WIZ: variants seen among roughly 807,000 people sequenced by gnomAD.
WIZ encodes the protein WIZ zinc finger.
Under a neutral mutation model 140.2 loss-of-function variants are expected in WIZ, and 25 were observed. The observed-to-expected ratio is 0.18, with a 90% CI of 0.13 to 0.25. The LOEUF (loss-of-function observed/expected upper bound fraction) is 0.25. Ranked by LOEUF, WIZ falls within the 10% of genes least tolerant of loss-of-function variation. WIZ has a pLI of 1.00. For synonymous variants in WIZ, 1,125 were observed against 1,154.3 expected, an observed-to-expected ratio of 0.97 and a Z score of 0.51; for missense variants, 2,231 against 2,632.6, an observed-to-expected ratio of 0.85 and a Z score of 3.34.
chr19:15,439,862 G>A lies in WIZ; in HGVS notation c.1132C>T (p.Arg378Trp), dbSNP rs1020195314. Residue 378 changes from arginine (R) to tryptophan (W), a missense_variant, in exon 4 of 13, where the codon CGG becomes TGG. Physicochemically the swap from Arg to Trp is moderately radical, Grantham distance 101. Around this residue, in one of 15 missense-constraint regions of WIZ, gnomAD observed 475 missense variants for 520.2 expected, o/e 0.91. Coordinates refer to ENST00000673675, the MANE Select transcript of WIZ (RefSeq NM_001371589.1). The surrounding 1 kb of genome is among the most constrained non-coding windows in gnomAD (Gnocchi z 7.0). The stretch of plus-strand genomic sequence containing the variant: ...TGGATCTCCTCAATGATCTTCTCCC[G>A]GGAGGCCTGATGCAGCTGCCGGTGC... ...EQHRQLHQASREKIIEEIQKL... is the reference protein window; with the variant it reads ...EQHRQLHQASWEKIIEEIQKL... 2.6e-6 allele frequency: 4 copies of A among 1,528,758 alleles called. No individual in the cohort carries two copies. The highest frequency in any genetic ancestry group is 1.7e-4 in the Middle Eastern group (1 of 5,938). The allele number at this position is 1,528,758 out of a possible 1,614,324, so 94.7% of individuals were successfully genotyped here.
chr19:15,433,129 A>G, intron 5 of WIZ: 1 of 546,838 alleles, frequency 1.8e-6, no homozygotes, highest in Non-Finnish European at 2.3e-6. Context: ...CTTTCCGGAA[A>G]GTCTCCATCT....
chr19:15,430,976 G>C, intron 6 of WIZ, 36 bp downstream of exon 6: 5 of 1,494,110 alleles, frequency 3.3e-6, no homozygotes, highest in Non-Finnish European at 4.5e-6. Context: ...AACCAGCCTG[G>C]CCAGCATCCC....
chr19:15,428,427 T>C lies in WIZ; in HGVS notation c.3497A>G (p.His1166Arg). The C allele has an allele frequency of 6.5e-7, 1 of 1,535,602 alleles. No individual in the cohort carries two copies. ...CAGGTGGCGCAGGTGGGCACGGGCGTGGCTAGACAGGCCCTTGCGGGTCTC... is the reference window on the plus strand; with the variant it reads ...CAGGTGGCGCAGGTGGGCACGGGCGCGGCTAGACAGGCCCTTGCGGGTCTC... ...WFETRKGLSS[H>R]ARAHLRHLGV... The change falls in exon 8 of 13, where the codon CAC becomes CGC. Residue 1166 changes from histidine (H) to arginine (R), a missense_variant. His to Arg is a conservative substitution (Grantham distance 29). This residue lies in a region of WIZ where 39 missense variants were observed against 74.9 expected (regional missense o/e 0.52). Transcript: ENST00000673675. The surrounding 1 kb of genome is among the most constrained non-coding windows in gnomAD (Gnocchi z 6.4).
rs569060041 is a variant in WIZ, at chr19:15,431,065, T to A, written c.2858A>T (p.Lys953Ile). ...LEQVASRLSSKVAAEVPHGSK... is the reference protein window; with the variant it reads ...LEQVASRLSSIVAAEVPHGSK... ...GCCATGAGGAACCTCTGCAGCCACTTTGCTGCTCAGCCGACTGGCCACCTG... is the reference window on the plus strand; with the variant it reads ...GCCATGAGGAACCTCTGCAGCCACTATGCTGCTCAGCCGACTGGCCACCTG... The change falls in exon 6 of 13, where the codon AAA becomes ATA. Residue 953 changes from lysine (K) to isoleucine (I), a missense_variant. This residue lies in a region of WIZ where 137 missense variants were observed against 135.8 expected (regional missense o/e 1.01). Transcript: ENST00000673675. The A allele has an allele frequency of 1.3e-6, 2 of 1,535,850 alleles. No individual in the cohort carries two copies. Among genetic ancestry groups the A allele is most frequent in the East Asian group, 2.4e-5 (1 of 40,928 alleles).
At chr19:15,446,743 C>T (rs1377788246) in intron 2 of WIZ, among the ~76,000 whole-genome samples, 1 of 152,246 alleles carries the variant, frequency 6.6e-6, no homozygotes, top group Non-Finnish European at 1.5e-5. Flanking sequence ...TGTGTCATAA[C>T]ACCTGGTGAC....
rs1815309983 is a variant in WIZ, at chr19:15,423,043, G to A, written c.*33C>T. ...AGAGGAGGAAGAAGAGGAGACAGAGGTGGCACGAGAGGGGATCTGGAATGC... is the reference window on the plus strand; with the variant it reads ...AGAGGAGGAAGAAGAGGAGACAGAGATGGCACGAGAGGGGATCTGGAATGC... On this transcript the variant is annotated 3_prime_UTR_variant, in exon 13 of 13. Coordinates refer to ENST00000673675, the MANE Select transcript of WIZ (RefSeq NM_001371589.1). The A allele has an allele frequency of 1.2e-6, 2 of 1,603,062 alleles. No homozygotes were observed. The highest frequency in any genetic ancestry group is 2.7e-5 in the African/African-American group (2 of 74,646).
chr19:15,425,956 GC>G (rs1487777814), intron 9 of WIZ, among the ~76,000 whole-genome samples, 188 bp from the exon 10 acceptor site: 1 of 150,258 alleles, frequency 6.7e-6, no homozygotes, highest in Non-Finnish European at 1.5e-5. Flanking sequence ...CAAGCTCAAA[GC>G]CCCCGTATCA....
chr19:15,439,107 G>C lies in WIZ; in HGVS notation c.1887C>G (p.Thr629=). 6.7e-7 allele frequency: 1 copy of C among 1,496,852 alleles called. No individual in the cohort carries two copies. The highest frequency in any genetic ancestry group is 8.9e-7 in the Non-Finnish European group (1 of 1,125,346). 92.7% of individuals were successfully genotyped at this position (1,496,852 alleles called of 1,614,324 possible). The change falls in exon 4 of 13, where the codon ACC becomes ACG. Residue 629 remains threonine (T), a synonymous_variant. Transcript: ENST00000673675. This position sits in a 1 kb window ranked among gnomAD's most constrained non-coding sequence, Gnocchi z 7.0. The part of the protein sequence containing the change: ...EEEEEEDVVL[T]SEMDFSPENG... ...TTTCAGGGGAAAAATCCATCTCGGA[G>C]GTCAGCACTACATCCTCCTCCTCCT...
In WIZ at chr19:15,448,276, G is replaced by A. The variant is rs1327019201; in HGVS notation, c.32C>T (p.Ala11Val). Residue 11 changes from alanine to valine, a missense_variant, in exon 2 of 13, where the codon GCA becomes GTA. Ala to Val is a moderately conservative substitution (Grantham distance 64). Around this residue, in one of 15 missense-constraint regions of WIZ, gnomAD observed 85 missense variants for 90.9 expected, o/e 0.94. Coordinates refer to ENST00000673675, the MANE Select transcript of WIZ (RefSeq NM_001371589.1). MEGSLAGSLAAPDRPQGPERL... is the reference protein window; with the variant it reads MEGSLAGSLAVPDRPQGPERL... ...CTCTGGGCCTTGGGGACGATCTGGT[G>A]CAGCCAGGCTGCCTGCCAGAGACCC... 1.9e-6 allele frequency: 3 copies of A among 1,613,232 alleles called. No homozygotes were observed. The highest frequency in any genetic ancestry group is 1.7e-6 in the Non-Finnish European group (2 of 1,179,856).
chr19:15,437,825 C>T (rs552797478), intron 4 of WIZ, among the ~76,000 whole-genome samples: 70 of 152,246 alleles, frequency 4.6e-4, no homozygotes, highest in South Asian at 4.1e-3. Flanking sequence ...ATGTAATGCC[C>T]TCTGCTGGGA....
chr19:15,429,746 C>T lies in WIZ; in HGVS notation c.3255G>A (p.Pro1085=), dbSNP rs1488477475. The T allele has an allele frequency of 1.2e-5, 18 of 1,483,886 alleles. No individual in the cohort carries two copies. The highest frequency in any genetic ancestry group is 6.9e-5 in the Admixed American group (3 of 43,292). The allele number at this position is 1,483,886 out of a possible 1,614,324, so 91.9% of individuals were successfully genotyped here. ...PGFSAKGLGH[P]PSSPLLKKTP... is the part of the protein sequence containing the mutation. ...TCTTTTTGAGGAGTGGAGAGCTGGG[C>T]GGGTGGCCCAGGCCCTTGGCCGAGA... The change falls in exon 7 of 13, where the codon CCG becomes CCA. Residue 1085 remains proline, a synonymous_variant. Coordinates refer to ENST00000673675, the MANE Select transcript of WIZ (RefSeq NM_001371589.1).
chr19:15,447,248 G>C (rs1969950255), intron 2 of WIZ, among the ~76,000 whole-genome samples: 1 of 152,052 alleles, frequency 6.6e-6, no homozygotes, highest in Non-Finnish European at 1.5e-5. Context: ...GACACGTCAG[G>C]CTCCTCCCCA....
chr19:15,428,212 C>A lies in WIZ; in HGVS notation c.3712G>T (p.Ala1238Ser). ...CCCCAGGGGCTGGCCATACCCGCGGCCTTCAGCTTGGCCTTCTTGGCCGGC... is the reference window on the plus strand; with the variant it reads ...CCCCAGGGGCTGGCCATACCCGCGGACTTCAGCTTGGCCTTCTTGGCCGGC... ...PPPAKKAKLKAAGMASPWGKQ... is the reference protein window; with the variant it reads ...PPPAKKAKLKSAGMASPWGKQ... The change falls in exon 8 of 13, where the codon GCC becomes TCC. Residue 1238 changes from alanine (A) to serine (S), a missense_variant. Around this residue, in one of 15 missense-constraint regions of WIZ, gnomAD observed 141 missense variants for 161.2 expected, o/e 0.87. Coordinates refer to ENST00000673675, the MANE Select transcript of WIZ (RefSeq NM_001371589.1). This position sits in a 1 kb window ranked among gnomAD's most constrained non-coding sequence, Gnocchi z 6.4. 1.3e-6 allele frequency: 2 copies of A among 1,533,548 alleles called. No homozygotes were observed. Among genetic ancestry groups the A allele is most frequent in the Non-Finnish European group, 1.7e-6 (2 of 1,146,410 alleles). The allele number at this position is 1,533,548 out of a possible 1,614,324, so 95.0% of individuals were successfully genotyped here.
chr19:15,430,717 G>C (rs574182764), intron 6 of WIZ, among the ~76,000 whole-genome samples: 4 of 147,162 alleles, frequency 2.7e-5, no homozygotes, highest in South Asian at 4.4e-4. Flanking sequence ...TGCACAGCTA[G>C]CAAAGGCCAG....
intron 2 of WIZ, among the ~76,000 whole-genome samples, chr19:15,446,302 C>T (rs554180082): frequency 2.6e-5 from 4 of 152,160 alleles, no homozygotes; most frequent in Non-Finnish European, 5.9e-5. Flanking sequence ...GATGTCCAAT[C>T]CCTCGGAACC....
In WIZ at chr19:15,439,918, C is replaced by G. The variant is rs1184391379; in HGVS notation, c.1076G>C (p.Trp359Ser). 1 of 1,530,762 alleles carries G rather than the reference C, an allele frequency of 6.5e-7. No homozygotes were observed. The highest frequency in any genetic ancestry group is 8.7e-7 in the Non-Finnish European group (1 of 1,143,992). 94.8% of individuals were successfully genotyped at this position (1,530,762 alleles called of 1,614,324 possible). A position where few individuals can be genotyped will look rare whatever the true frequency, so the allele number is the denominator to read the frequency against. The change falls in exon 4 of 13, where the codon TGG (tryptophan) becomes TCG (serine). Residue 359 changes from tryptophan to serine, a missense_variant. This residue lies in a region of WIZ where 475 missense variants were observed against 520.2 expected (regional missense o/e 0.91). Coordinates refer to ENST00000673675, the MANE Select transcript of WIZ (RefSeq NM_001371589.1). The surrounding 1 kb of genome is among the most constrained non-coding windows in gnomAD (Gnocchi z 7.0). ...LAPLACGECG[W>S]AFADPTALEQ... ...CAGGGCAGTGGGGTCAGCAAAGGCCCAGCCACACTCCCCGCAGGCCAGCGG... is the reference window on the plus strand; with the variant it reads ...CAGGGCAGTGGGGTCAGCAAAGGCCGAGCCACACTCCCCGCAGGCCAGCGG...
rs1029576468 is a variant in WIZ, at chr19:15,433,288, T to A, written c.2741-2106A>T. On this transcript the variant is annotated intron_variant, in intron 5 of 12. Transcript: ENST00000673675. ...CAACACATTTCAATCACCGCCTGCT[T>A]CTCTCTCCGATTGTCCCCAGCTGTT... 3.0e-6 allele frequency: 3 copies of A among 985,130 alleles called. No homozygotes were observed. The East Asian group carries it at 3.4e-4, about 112-fold the overall frequency. 61.0% of individuals were successfully genotyped at this position (985,130 alleles called of 1,614,324 possible).
Position 15,422,972 on chromosome 19 carries a change from T to G in WIZ, c.*104A>C, listed in dbSNP as rs1191578501. ...AGGGGCGCCGGTTTGAGGTTTTGGC[T>G]TGCTCCTTTGGAAACGGAAAGAAAG... On this transcript the variant is annotated 3_prime_UTR_variant, in exon 13 of 13. Transcript: ENST00000673675. 6.6e-7 allele frequency: 1 copy of G among 1,504,116 alleles called. No homozygotes were observed. The highest frequency in any genetic ancestry group is 2.3e-5 in the East Asian group (1 of 43,252). 93.2% of individuals were successfully genotyped at this position (1,504,116 alleles called of 1,614,324 possible).
At chr19:15,429,539 C>G (rs143067996) in intron 7 of WIZ, 47 bp downstream of exon 7, 1 of 1,326,460 alleles carries the variant, frequency 7.5e-7, no homozygotes, top group Admixed American at 3.6e-5. Flanking sequence ...GAGGTCCCGA[C>G]CCTCCCAGCG....
Sources: gnomAD v4.1 joint callset for allele counts (sites outside exome capture counted in the v4.1 genomes callset) on GRCh38, gnomAD v4.1.1 for gene constraint, gnomAD v4.1.1 regional missense constraint, Gnocchi (gnomAD v3.1) non-coding constraint, MANE v1.5 for transcripts, NCBI Gene and HGNC (gene_info 2026-07-23, HGNC 2026-07-21) for gene names.